USP40: variants seen among roughly 807,000 people sequenced by gnomAD.
The protein encoded by USP40 is ubiquitin carboxyl-terminal hydrolase 40.
Under a neutral mutation model 166.2 loss-of-function variants are expected in USP40, and 143 were observed. The observed-to-expected ratio is 0.86, with a 90% CI of 0.75 to 0.99. The LOEUF is 0.99. USP40 is among the 50% of genes least tolerant of loss of function. The pLI, the probability that USP40 is intolerant of heterozygous loss-of-function variation, is 0.00. For synonymous variants in USP40, 498 were observed against 524.0 expected, an observed-to-expected ratio of 0.95 and a Z score of 0.68; for missense variants, 1,444 against 1,479.7, an observed-to-expected ratio of 0.98 and a Z score of 0.40.
At chr2:233,556,815 T>C in intron 5 of USP40, 40 bp downstream of exon 5, 1 of 1,557,618 alleles carries the variant, frequency 6.4e-7, no homozygotes. Context: ...GATTATAATT[T>C]ACAACATAAC....
In USP40 at chr2:233,533,669, C is replaced by T; in HGVS notation, c.1281G>A (p.Gln427=). ...QAESDFQRND[Q]QIFKMLPPES... ...CTGGAGGAAGCATCTTGAAAATTTG[C>T]TGGTCATTCCTTTGGAAATCAGACT... The change falls in exon 11 of 32, where the codon CAG becomes CAA. Residue 427 remains glutamine (Q), a synonymous_variant. Coordinates refer to ENST00000678225, the MANE Select transcript of USP40 (RefSeq NM_001365479.2). The T allele has an allele frequency of 1.2e-6, 2 of 1,613,710 alleles. No homozygotes were observed. Among genetic ancestry groups the T allele is most frequent in the Non-Finnish European group, 1.7e-6 (2 of 1,179,798 alleles).
intron 14 of USP40, among the ~76,000 whole-genome samples, chr2:233,525,183 A>T (rs2067927348): frequency 6.6e-6 from 1 of 152,252 alleles, no homozygotes; most frequent in Non-Finnish European, 1.5e-5. Flanking sequence ...TTGTTCAACA[A>T]TATGTGTCAA....
chr2:233,551,270 G>T, intron 7 of USP40, 106 bp downstream of exon 7: 1 of 1,233,076 alleles, frequency 8.1e-7, no homozygotes, highest in Non-Finnish European at 1.1e-6. Flanking sequence ...TGTCAATGGT[G>T]CCAAGGTTTA....
At chr2:233,509,430 G>A (rs1009565637) in intron 21 of USP40, among the ~76,000 whole-genome samples, 2 of 152,068 alleles carry the variant, frequency 1.3e-5, no homozygotes, top group African/African-American at 4.8e-5. Flanking sequence ...ATATTGGTAG[G>A]ATAAAGAATA....
rs1212142867 is a variant in USP40 at position 233,476,464 on chromosome 2, G to GA, written c.*927_*928insT. On this transcript the variant is annotated 3_prime_UTR_variant, in exon 32 of 32. Transcript: ENST00000678225. Reference sequence around the variant, plus strand: ...ATAGAAATCTGGGTTGGATTAAGTGGGAAAACCCTTCCTTAGTTTACATTT... The same window carrying GA: ...ATAGAAATCTGGGTTGGATTAAGTGGAGAAAACCCTTCCTTAGTTTACATTT... The GA allele has an allele frequency of 3.9e-5, 6 of 152,328 alleles. No homozygotes were observed. Among genetic ancestry groups the GA allele is most frequent in the African/African-American group, 1.4e-4 (6 of 41,438 alleles). The allele number at this position is 152,328 out of a possible 1,614,324, so 9.4% of individuals were successfully genotyped here.
In USP40 at chr2:233,493,500, G is replaced by A; in HGVS notation, c.2842C>T (p.His948Tyr). 6.2e-7 allele frequency: 1 copy of A among 1,613,744 alleles called. No homozygotes were observed. The highest frequency in any genetic ancestry group is 8.5e-7 in the Non-Finnish European group (1 of 1,179,812). ...WWYQLQGPSGHWESHQDQTNC... is the reference protein window; with the variant it reads ...WWYQLQGPSGYWESHQDQTNC... ...GTCTGGTCCTGATGACTCTCCCAGT[G>A]TCCTGAGGGACCCTGAAGCTGGTAC... The change falls in exon 25 of 32, where the codon CAC (histidine) becomes TAC (tyrosine). Residue 948 changes from histidine (H) to tyrosine (Y), a missense_variant. Transcript: ENST00000678225. The surrounding 1 kb of genome is among the most constrained non-coding windows in gnomAD (Gnocchi z 4.7).
chr2:233,495,607 G>A (rs947825644), intron 24 of USP40, among the ~76,000 whole-genome samples: 2 of 152,192 alleles, frequency 1.3e-5, no homozygotes, highest in African/African-American at 4.8e-5. Flanking sequence ...AACAAAAAAT[G>A]AGGTGGGAAA....
intron 30 of USP40, among the ~76,000 whole-genome samples, chr2:233,483,360 A>G (rs1207623362): frequency 6.6e-6 from 1 of 152,080 alleles, no homozygotes; most frequent in Non-Finnish European, 1.5e-5. Flanking sequence ...GCATAATGGC[A>G]CGTGCCTGTG....
chr2:233,523,139 A>C (rs781565298), intron 16 of USP40, 31 bp downstream of exon 16: 73 of 1,571,686 alleles, frequency 4.6e-5, no homozygotes, highest in Non-Finnish European at 5.9e-5. Flanking sequence ...AATGACTTTT[A>C]GAAATCCTTT....
At chr2:233,539,114 T>C (rs546588491) in intron 10 of USP40, among the ~76,000 whole-genome samples, 136 of 151,264 alleles carry the variant, frequency 9.0e-4, no homozygotes, top group Middle Eastern at 6.8e-3. Flanking sequence ...AGAAGATACA[T>C]GAAGCAAAAA....
rs1218839685 is a variant in USP40, at chr2:233,523,376, T to C, written c.1995A>G (p.Pro665=). ...CTTCTGCATTAGCTGGAAAGACATG[T>C]GGAGATTCTATCACCTGACAACACT... is the stretch of plus-strand genomic sequence containing the variant. The part of the protein sequence containing the change: ...GEKCCQVIES[P]HVFPANAEVG... The change falls in exon 16 of 32, where the codon CCA becomes CCG. Residue 665 remains proline (P), a synonymous_variant. Transcript: ENST00000678225. 3 of 1,613,878 alleles carry C rather than the reference T, an allele frequency of 1.9e-6. No individual in the cohort carries two copies. The highest frequency in any genetic ancestry group is 2.2e-5 in the East Asian group (1 of 44,894).
chr2:233,551,837 C>T (rs1265959746), intron 6 of USP40, among the ~76,000 whole-genome samples: 5 of 152,178 alleles, frequency 3.3e-5, no homozygotes, highest in Non-Finnish European at 7.3e-5. Context: ...TCCTTGGTGT[C>T]TCCACTTTAC....
At chr2:233,519,694 T>TA in intron 17 of USP40, 23 bp from the exon 18 acceptor site, 1 of 1,303,174 alleles carries the variant, frequency 7.7e-7, no homozygotes, top group East Asian at 2.6e-5. Flanking sequence ...AATAAAATAA[T>TA]GACTAAGTTG....
chr2:233,478,052 T>C (rs1575202488), intron 31 of USP40, among the ~76,000 whole-genome samples: 1 of 152,382 alleles, frequency 6.6e-6, no homozygotes, highest in East Asian at 1.9e-4. Flanking sequence ...CCACCCACGC[T>C]GCACAGTCCC....
At chr2:233,494,943 TATATATATATA>T (rs1332268311) in intron 24 of USP40, among the ~76,000 whole-genome samples, 36 of 37,698 alleles carry the variant, frequency 9.5e-4, no homozygotes, top group African/African-American at 5.8e-3. Flanking sequence ...TATATATATA[TATATATATATA>T]TTTATATATA....
intron 2 of USP40, among the ~76,000 whole-genome samples, chr2:233,563,503 T>C (rs1224932909): frequency 6.6e-6 from 1 of 152,204 alleles, no homozygotes; most frequent in Non-Finnish European, 1.5e-5. Context: ...GCTACCCTAG[T>C]GCTTACTGTT....
At chr2:233,505,384 G>A (rs2066351637) in intron 21 of USP40, among the ~76,000 whole-genome samples, 1 of 151,978 alleles carries the variant, frequency 6.6e-6, no homozygotes, top group African/African-American at 2.4e-5. Context: ...CAATTCAAAA[G>A]AGAAACAAAA....
At position 233,499,223 on chromosome 2, in the gene USP40, T is replaced by C. The variant is rs536199937; in HGVS notation, c.2651-611A>G. Among the ~76,000 whole-genome samples, 74 of 143,322 alleles carry C rather than the reference T, an allele frequency of 5.2e-4. 1 individual carries two copies. The South Asian group carries it at 5.7e-3, about 11-fold the overall frequency. The allele number at this position is 143,322 out of a possible 152,430, so 94.0% of individuals were successfully genotyped here. A position where few individuals can be genotyped will look rare whatever the true frequency, so the allele number is the denominator to read the frequency against. ...CCCTCCCTGTGTCCATGTGTTCTCA[T>C]TGTTTGGCTCCCACTTATAAGTAAG... is the stretch of plus-strand genomic sequence containing the variant. On this transcript the variant is annotated intron_variant, in intron 22 of 31. Coordinates refer to ENST00000678225, the MANE Select transcript of USP40 (RefSeq NM_001365479.2).
At chr2:233,545,444 A>G (rs147726503) in intron 8 of USP40, 134 of 152,400 alleles carry the variant, frequency 8.8e-4, no homozygotes, top group African/African-American at 3.2e-3. Flanking sequence ...GGGTGCTGTC[A>G]TGGAGCCTTC....
Sources: allele counts gnomAD v4.1 joint callset (sites outside exome capture counted in the v4.1 genomes callset), GRCh38; gene constraint gnomAD v4.1.1; non-coding constraint Gnocchi (gnomAD v3.1); transcripts MANE v1.5; gene names NCBI Gene and HGNC (gene_info 2026-07-23, HGNC 2026-07-21).